The following AK5 variants were observed in gnomAD, a reference collection of about 807,000 sequenced individuals.
AK5 encodes the protein adenylate kinase isoenzyme 5.
AK5 carries 27 observed loss-of-function variants against 69.5 expected under a neutral mutation model. The observed-to-expected ratio is 0.39, with a 90% CI of 0.29 to 0.54. The LOEUF is 0.54. Among genes scored for constraint, AK5 ranks in the 20% least tolerant of loss-of-function variants. AK5 has a pLI of 0.71. For missense variants in AK5, 531 were observed against 700.4 expected, an observed-to-expected ratio of 0.76 and a Z score of 2.73; for synonymous variants, 260 against 244.4, an observed-to-expected ratio of 1.06 and a Z score of -0.60.
chr1:77,333,856 A>G (rs1224744253), intron 5 of AK5, among the ~76,000 whole-genome samples: 1 of 152,246 alleles, frequency 6.6e-6, no homozygotes, highest in East Asian at 1.9e-4. Context: ...TCTCATAGAA[A>G]TCAGTACTTT....
intron 6 of AK5, among the ~76,000 whole-genome samples, chr1:77,385,359 C>T (rs557844542): frequency 6.6e-6 from 1 of 152,220 alleles, no homozygotes; most frequent in East Asian, 1.9e-4. Context: ...GGGGGTTTCA[C>T]CGTGCTGGCC....
At chr1:77,347,537 T>C (rs1661974814) in intron 6 of AK5, among the ~76,000 whole-genome samples, 1 of 152,198 alleles carries the variant, frequency 6.6e-6, no homozygotes, top group Non-Finnish European at 1.5e-5. Context: ...GGTTTTAAAA[T>C]ATCCAGAACT....
chr1:77,534,606 G>T (rs1036320638), intron 12 of AK5, among the ~76,000 whole-genome samples: 17 of 152,166 alleles, frequency 1.1e-4, no homozygotes, highest in Admixed American at 1.1e-3. Flanking sequence ...TGAATGAGAA[G>T]ACTCAGATGC....
At chr1:77,449,187 A>G (rs1277745730) in intron 8 of AK5, among the ~76,000 whole-genome samples, 1 of 152,206 alleles carries the variant, frequency 6.6e-6, no homozygotes, top group Non-Finnish European at 1.5e-5. Context: ...TGGAAAAGCC[A>G]CAGACACTCA....
chr1:77,402,526 A>G (rs1267904117), intron 6 of AK5, among the ~76,000 whole-genome samples: 1 of 145,142 alleles, frequency 6.9e-6, no homozygotes, highest in African/African-American at 2.6e-5. Flanking sequence ...ATTCCCACCT[A>G]TGAGTGAGAA....
intron 5 of AK5, among the ~76,000 whole-genome samples, chr1:77,334,320 C>T (rs75789659): frequency 6.6e-6 from 1 of 152,106 alleles, no homozygotes; most frequent in Non-Finnish European, 1.5e-5. Context: ...AGCTGTCAGT[C>T]TAATTGTTGC....
chr1:77,446,452 A>G (rs1178934723), intron 8 of AK5, among the ~76,000 whole-genome samples: 2 of 152,076 alleles, frequency 1.3e-5, no homozygotes, highest in Non-Finnish European at 2.9e-5. Flanking sequence ...TGCTTTTTCT[A>G]TTTCTGAGAA....
At chr1:77,309,784 T>C (rs1422315271) in intron 5 of AK5, among the ~76,000 whole-genome samples, 1 of 152,164 alleles carries the variant, frequency 6.6e-6, no homozygotes, top group East Asian at 1.9e-4. Flanking sequence ...TTCTAAAACA[T>C]AACCCTGCCC....
chr1:77,400,819 T>C (rs932990890), intron 6 of AK5, among the ~76,000 whole-genome samples: 3 of 151,884 alleles, frequency 2.0e-5, no homozygotes, highest in African/African-American at 7.3e-5. Flanking sequence ...AGAAAATAAG[T>C]GTTTTACTCA....
intron 13 of AK5, among the ~76,000 whole-genome samples, chr1:77,539,469 C>G (rs987679439): frequency 3.9e-5 from 6 of 152,224 alleles, no homozygotes; most frequent in South Asian, 4.1e-4. Context: ...CTTCATCCCA[C>G]TGCCCCTGCC....
intron 10 of AK5, among the ~76,000 whole-genome samples, chr1:77,512,537 CT>C (rs61162386): frequency 0.16 from 24,498 of 151,476 alleles, 2,341 homozygotes; most frequent in South Asian, 0.36. Flanking sequence ...ATTTCAGAGA[CT>C]TTTTTTTTAT....
intron 5 of AK5, among the ~76,000 whole-genome samples, chr1:77,319,981 A>C (rs1009980925): frequency 6.6e-6 from 1 of 152,242 alleles, no homozygotes; most frequent in Non-Finnish European, 1.5e-5. Context: ...TCATGCTACT[A>C]TGCAGAAATA....
intron 8 of AK5, among the ~76,000 whole-genome samples, chr1:77,428,068 A>C (rs545397818): frequency 5.3e-5 from 8 of 152,328 alleles, no homozygotes; most frequent in African/African-American, 1.9e-4. Flanking sequence ...ACATGAGATG[A>C]GATGGGACAG....
chr1:77,283,066 G>C (rs930593220), intron 1 of AK5: 84 of 985,524 alleles, frequency 8.5e-5, no homozygotes, highest in Middle Eastern at 5.2e-4. Context: ...GAGCTGCGAG[G>C]GGGGCGGACT....
At chr1:77,288,663 A>T (rs2100644546) in intron 2 of AK5, among the ~76,000 whole-genome samples, 1 of 152,294 alleles carries the variant, frequency 6.6e-6, no homozygotes, top group East Asian at 1.9e-4. Flanking sequence ...CAATGATATG[A>T]CTCTGACCAA....
At chr1:77,339,124 T>A (rs1570405059) in intron 5 of AK5, among the ~76,000 whole-genome samples, 1 of 152,262 alleles carries the variant, frequency 6.6e-6, no homozygotes, top group South Asian at 2.1e-4. Context: ...ATATATATAT[T>A]TTACAATGTG....
intron 8 of AK5, among the ~76,000 whole-genome samples, chr1:77,440,941 G>A (rs60009020): frequency 1.3e-5 from 2 of 152,110 alleles, no homozygotes; most frequent in African/African-American, 4.8e-5. Flanking sequence ...TAGAGACGGG[G>A]TTTCGCCATG....
At chr1:77,338,211 C>T (rs1661470457) in intron 5 of AK5, among the ~76,000 whole-genome samples, 1 of 152,078 alleles carries the variant, frequency 6.6e-6, no homozygotes, top group African/African-American at 2.4e-5. Flanking sequence ...GATCTGCCTG[C>T]CTCAGCTTCC....
intron 8 of AK5, among the ~76,000 whole-genome samples, chr1:77,443,186 G>A (rs1026783877): frequency 4.6e-5 from 7 of 152,168 alleles, no homozygotes; most frequent in Non-Finnish European, 8.8e-5. Context: ...TATACATGTT[G>A]AGTATCTCTT....
Sources: gnomAD v4.1 joint callset for allele counts (sites outside exome capture counted in the v4.1 genomes callset) on GRCh38, gnomAD v4.1.1 for gene constraint, MANE v1.5 for transcripts, NCBI Gene and HGNC (gene_info 2026-07-23, HGNC 2026-07-21) for gene names.